Variants in SMAD2 observed in about 807,000 individuals in gnomAD.
SMAD2 encodes MAD homolog 2.
In SMAD2, 8 loss-of-function variants were observed where a neutral mutation model predicts 64.4. The observed-to-expected ratio is 0.12, with a 90% CI of 0.07 to 0.22. SMAD2 has a LOEUF of 0.22. SMAD2 is among the 10% of genes least tolerant of loss of function. The pLI is 1.00. For synonymous variants in SMAD2, 203 were observed against 195.8 expected (o/e 1.04, Z -0.31); for missense variants, 289 against 561.2 (o/e 0.51, Z 4.90).
rs893182878 is a variant in SMAD2 at position 47,816,924 on chromosome 18, T to A, written c.*24903A>T. On this transcript the variant is annotated 3_prime_UTR_variant, in exon 11 of 11. Coordinates refer to ENST00000262160, the MANE Select transcript of SMAD2 (RefSeq NM_005901.6). ...TCATAGGCACCCACCAATACACCCA[T>A]CTAATTTTTTGTATTTTTAGTAGAG... 3.3e-5 allele frequency: 5 copies of A among 151,956 alleles called. No individual in the cohort carries two copies. Among genetic ancestry groups the A allele is most frequent in the African/African-American group, 9.7e-5 (4 of 41,368 alleles). The allele number at this position is 151,956 out of a possible 1,614,324, so 9.4% of individuals were successfully genotyped here.
rs965907461 is a variant in SMAD2 at position 47,828,921 on chromosome 18, T to C, written c.*12906A>G. ...CCCCTCTCCGAGAAACACCCAAGAA[T>C]GATCAATAAATACTAAAAAAAAAAA... On this transcript the variant is annotated 3_prime_UTR_variant, in exon 11 of 11. Coordinates refer to ENST00000262160, the MANE Select transcript of SMAD2 (RefSeq NM_005901.6). 5.9e-5 allele frequency: 5 copies of C among 84,468 alleles called. No individual in the cohort carries two copies. The highest frequency in any genetic ancestry group is 1.1e-4 in the Non-Finnish European group (5 of 44,984). 5.2% of individuals were successfully genotyped at this position (84,468 alleles called of 1,614,324 possible). A position where few individuals can be genotyped will look rare whatever the true frequency, so the allele number is the denominator to read the frequency against.
At position 47,836,343 on chromosome 18, in the gene SMAD2, T is replaced by G. The variant is rs1314603864; in HGVS notation, c.*5484A>C. 4.5e-6 allele frequency: 1 copy of G among 223,094 alleles called. No homozygotes were observed. Among genetic ancestry groups the G allele is most frequent in the Non-Finnish European group, 9.0e-6 (1 of 111,728 alleles). 13.8% of individuals were successfully genotyped at this position (223,094 alleles called of 1,614,324 possible). ...CAGAATCTGCTGGATGTATAATAAT[T>G]TAGTAACGGGGTATATGGCAGAGCT... On this transcript the variant is annotated 3_prime_UTR_variant, in exon 11 of 11. Coordinates refer to ENST00000262160, the MANE Select transcript of SMAD2 (RefSeq NM_005901.6).
chr18:47,867,768 T>C (rs1195357541), intron 5 of SMAD2, among the ~76,000 whole-genome samples: 1 of 152,038 alleles, frequency 6.6e-6, no homozygotes, highest in Non-Finnish European at 1.5e-5. Context: ...TGTAGCTGAA[T>C]TCAATTTTCA....
intron 2 of SMAD2, among the ~76,000 whole-genome samples, chr18:47,875,033 G>A (rs2032188886): frequency 6.6e-6 from 1 of 152,020 alleles, no homozygotes; most frequent in African/African-American, 2.4e-5. Context: ...GCGCAGTTTG[G>A]GCATTACTAT....
chr18:47,872,896 T>C (rs768166661), intron 2 of SMAD2, among the ~76,000 whole-genome samples: 4 of 152,188 alleles, frequency 2.6e-5, no homozygotes, highest in Non-Finnish European at 4.4e-5. Flanking sequence ...GCATAGGTTA[T>C]ATGCAAATAC....
chr18:47,879,410 T>C (rs1267584355), intron 2 of SMAD2, among the ~76,000 whole-genome samples: 1 of 152,080 alleles, frequency 6.6e-6, no homozygotes, highest in Non-Finnish European at 1.5e-5. Flanking sequence ...GGAAAGTCTA[T>C]GTATGAATGG....
At chr18:47,887,150 A>T (rs1192733383) in intron 2 of SMAD2, among the ~76,000 whole-genome samples, 3 of 152,174 alleles carry the variant, frequency 2.0e-5, no homozygotes. Context: ...AGCTCTTCCC[A>T]AGCTGCTTTT....
At chr18:47,890,772 A>G (rs780008749) in intron 2 of SMAD2, among the ~76,000 whole-genome samples, 1 of 152,238 alleles carries the variant, frequency 6.6e-6, no homozygotes, top group Admixed American at 6.5e-5. Context: ...ACACACGCAC[A>G]TGCCTATGTA....
Position 47,840,508 on chromosome 18 carries a change from G to A in SMAD2, c.*1319C>T, listed in dbSNP as rs1217895935. 1.7e-5 allele frequency: 4 copies of A among 232,250 alleles called. No homozygotes were observed. Among genetic ancestry groups the A allele is most frequent in the Non-Finnish European group, 2.6e-5 (3 of 117,502 alleles). The allele number at this position is 232,250 out of a possible 1,614,324, so 14.4% of individuals were successfully genotyped here. A position where few individuals can be genotyped will look rare whatever the true frequency, so the allele number is the denominator to read the frequency against. On this transcript the variant is annotated 3_prime_UTR_variant, in exon 11 of 11. Transcript: ENST00000262160. ...AGGTAACTTATAAGCTAAAAAACTT[G>A]CTAAATAAATGGCTTTTCCCCCAAT...
In SMAD2 at chr18:47,833,667, A is replaced by G. The variant is rs1340308583; in HGVS notation, c.*8160T>C. ...AGGCTACAATTGAGAGAAACTGCTC[A>G]GTCTGCATCAGGACACCCAATTCCT... On this transcript the variant is annotated 3_prime_UTR_variant, in exon 11 of 11. Transcript: ENST00000262160. The G allele has an allele frequency of 4.3e-6, 1 of 230,978 alleles. No individual in the cohort carries two copies. The highest frequency in any genetic ancestry group is 8.6e-6 in the Non-Finnish European group (1 of 116,622). 14.3% of individuals were successfully genotyped at this position (230,978 alleles called of 1,614,324 possible). A position where few individuals can be genotyped will look rare whatever the true frequency, so the allele number is the denominator to read the frequency against.
rs59129117 is a variant in SMAD2, at chr18:47,837,561, CAAAA to C, written c.*4262_*4265del. 3.9e-4 allele frequency: 60 copies of C among 155,060 alleles called. No homozygotes were observed. Among genetic ancestry groups the C allele is most frequent in the Non-Finnish European group, 5.0e-4 (43 of 86,656 alleles). The allele number at this position is 155,060 out of a possible 1,614,324, so 9.6% of individuals were successfully genotyped here. A position where few individuals can be genotyped will look rare whatever the true frequency, so the allele number is the denominator to read the frequency against. The stretch of plus-strand genomic sequence containing the variant: ...TGGGCAACAGAGCGAGACTCCCTCT[CAAAA>C]AAAAAAAAAAAAAACAAAAAACAAG... On this transcript the variant is annotated 3_prime_UTR_variant, in exon 11 of 11. Transcript: ENST00000262160.
Position 47,816,754 on chromosome 18 carries a change from T to C in SMAD2, c.*25073A>G, listed in dbSNP as rs543494480. The C allele has an allele frequency of 4.7e-5, 7 of 148,904 alleles. No homozygotes were observed. Among genetic ancestry groups the C allele is most frequent in the East Asian group, 2.0e-4 (1 of 4,944 alleles). The allele number at this position is 148,904 out of a possible 1,614,324, so 9.2% of individuals were successfully genotyped here. A position where few individuals can be genotyped will look rare whatever the true frequency, so the allele number is the denominator to read the frequency against. On this transcript the variant is annotated 3_prime_UTR_variant, in exon 11 of 11. Transcript: ENST00000262160. ...CCCTGAATACACACGTAGTTTACCATGACATGGGTCTTTTTTTTTTTTTTT... is the reference window on the plus strand; with the variant it reads ...CCCTGAATACACACGTAGTTTACCACGACATGGGTCTTTTTTTTTTTTTTT...
At position 47,830,389 on chromosome 18, in the gene SMAD2, A is replaced by G. The variant is rs534367118; in HGVS notation, c.*11438T>C. 6.6e-6 allele frequency: 1 copy of G among 152,096 alleles called. No individual in the cohort carries two copies. Among genetic ancestry groups the G allele is most frequent in the South Asian group, 2.1e-4 (1 of 4,810 alleles). The allele number at this position is 152,096 out of a possible 1,614,324, so 9.4% of individuals were successfully genotyped here. ...GTCAGGAGTTCAAGACCAGCCTGGCAAACATGGTGAAACCCTGTCTCCACT... is the reference window on the plus strand; with the variant it reads ...GTCAGGAGTTCAAGACCAGCCTGGCGAACATGGTGAAACCCTGTCTCCACT... On this transcript the variant is annotated 3_prime_UTR_variant, in exon 11 of 11. Transcript: ENST00000262160.
chr18:47,896,034 A>G (rs114293119), intron 2 of SMAD2, among the ~76,000 whole-genome samples: 3,428 of 152,334 alleles, frequency 0.023, 127 homozygotes, highest in African/African-American at 0.078. Context: ...CAGGTCTTTA[A>G]GACAGGTTCT....
At chr18:47,870,327 G>A (rs2031857956) in intron 3 of SMAD2, 148 bp downstream of exon 3, 1 of 639,894 alleles carries the variant, frequency 1.6e-6, no homozygotes, top group African/African-American at 1.8e-5. Context: ...TTTTTATACT[G>A]GCAAGCAGAT....
Position 47,840,784 on chromosome 18 carries a change from CG to C in SMAD2, c.*1042del, listed in dbSNP as rs1913867840. On this transcript the variant is annotated 3_prime_UTR_variant, in exon 11 of 11. Transcript: ENST00000262160. ...ATATTGTAAAATACCTTTGGAAAAA[CG>C]GTATTTATAGATTAGCTTTTTTAAA... 1 of 231,148 alleles carries C rather than the reference CG, an allele frequency of 4.3e-6. No individual in the cohort carries two copies. The highest frequency in any genetic ancestry group is 6.1e-5 in the East Asian group (1 of 16,292). 14.3% of individuals were successfully genotyped at this position (231,148 alleles called of 1,614,324 possible). A position where few individuals can be genotyped will look rare whatever the true frequency, so the allele number is the denominator to read the frequency against.
rs543202867 is a variant in SMAD2 at position 47,927,187 on chromosome 18, C to T, written c.-54+3174G>A. Among the ~76,000 whole-genome samples the T allele has an allele frequency of 5.9e-5, 9 of 152,324 alleles. No homozygotes were observed. The South Asian group carries it at 1.9e-3, about 32-fold the overall frequency. ...CAAATTAAGGTCAGATGAAGCTTAGCTCTACAAGTGTACATCTGTTCAGCA... is the reference window on the plus strand; with the variant it reads ...CAAATTAAGGTCAGATGAAGCTTAGTTCTACAAGTGTACATCTGTTCAGCA... On this transcript the variant is annotated intron_variant, in intron 1 of 10. Transcript: ENST00000262160.
chr18:47,879,653 A>G (rs1473633189), intron 2 of SMAD2, among the ~76,000 whole-genome samples: 4 of 152,170 alleles, frequency 2.6e-5, no homozygotes, highest in Admixed American at 6.6e-5. Context: ...AAGAAAGTAC[A>G]TATCATTATA....
intron 6 of SMAD2, among the ~76,000 whole-genome samples, chr18:47,851,789 G>A (rs1226110426): frequency 6.6e-6 from 1 of 152,068 alleles, no homozygotes. Flanking sequence ...CCACATTGAT[G>A]GATATTCAAG....
Sources: gnomAD v4.1 joint callset for allele counts (sites outside exome capture counted in the v4.1 genomes callset) on GRCh38, gnomAD v4.1.1 for gene constraint, MANE v1.5 for transcripts, NCBI Gene and HGNC (gene_info 2026-07-23, HGNC 2026-07-21) for gene names.